UNC5A: variants seen among roughly 807,000 people sequenced by gnomAD.
UNC5A encodes the protein netrin receptor UNC5A.
A neutral mutation model predicts 87.4 loss-of-function variants in UNC5A; 20 were observed. The ratio of observed to expected loss-of-function variants is 0.23; its 90% CI spans 0.16 to 0.33. The LOEUF is 0.33. UNC5A is among the 10% of genes least tolerant of loss of function. UNC5A has a pLI of 1.00. For synonymous variants in UNC5A, 438 were observed against 482.3 expected (o/e 0.91, Z 1.20); for missense variants, 844 against 1,133.4 (o/e 0.74, Z 3.67).
intron 1 of UNC5A, among the ~76,000 whole-genome samples, chr5:176,814,642 T>A (rs1362464992): frequency 6.6e-6 from 1 of 152,188 alleles, no homozygotes; most frequent in East Asian, 1.9e-4. Flanking sequence ...AAAGAAAGAC[T>A]GAGGTATTGA....
intron 1 of UNC5A, among the ~76,000 whole-genome samples, chr5:176,839,609 G>A (rs1187347103): frequency 3.9e-5 from 6 of 152,200 alleles, no homozygotes; most frequent in Non-Finnish European, 2.9e-5. Flanking sequence ...CTGGTTTGTG[G>A]GTAAGATCCT....
chr5:176,818,294 T>C (rs1199314205), intron 1 of UNC5A, among the ~76,000 whole-genome samples: 2 of 152,250 alleles, frequency 1.3e-5, no homozygotes, highest in Middle Eastern at 3.4e-3. Flanking sequence ...CCATTCCCGT[T>C]TTACAGATGA....
intron 1 of UNC5A, among the ~76,000 whole-genome samples, chr5:176,843,097 G>T (rs973250212): frequency 4.0e-5 from 6 of 151,408 alleles, no homozygotes; most frequent in African/African-American, 1.5e-4. Context: ...GGAGGCAGTG[G>T]TTGCAGTGAG....
In UNC5A at chr5:176,877,211, C is replaced by T. The variant is rs373155488; in HGVS notation, c.1398C>T (p.Pro466=). The T allele has an allele frequency of 9.9e-6, 16 of 1,612,852 alleles. No homozygotes were observed. The highest frequency in any genetic ancestry group is 1.2e-5 in the Non-Finnish European group (14 of 1,179,658). Residue 466 remains proline, a synonymous_variant, in exon 9 of 15, where the codon CCC becomes CCT. Transcript: ENST00000329542. Reference sequence around the variant, plus strand: ...TTCCAGGAATCAGCCTCCTCATCCCCCCAGATGCCATACCCCGAGGGAAGA... The same window carrying T: ...TTCCAGGAATCAGCCTCCTCATCCCTCCAGATGCCATACCCCGAGGGAAGA... ...IPNTGISLLI[P]PDAIPRGKIY... is the part of the protein sequence containing the mutation.
rs73340048 is a variant in UNC5A at position 176,823,029 on chromosome 5, G to A, written c.70+12209G>A. ...AGCAGGGAGAGGCTGGAGGCAAGGAGACCAGCCGGGAGGCTGCCGTGGTCA... is the reference window on the plus strand; with the variant it reads ...AGCAGGGAGAGGCTGGAGGCAAGGAAACCAGCCGGGAGGCTGCCGTGGTCA... On this transcript the variant is annotated intron_variant, in intron 1 of 14. Transcript: ENST00000329542. Among the ~76,000 whole-genome samples, 1,297 of 152,204 alleles carry A rather than the reference G, an allele frequency of 8.5e-3. 20 individuals carry two copies. The highest frequency in any genetic ancestry group is 0.027 in the African/African-American group (1,105 of 41,492).
At position 176,831,883 on chromosome 5, in the gene UNC5A, C is replaced by CTT. The variant is rs1285414321; in HGVS notation, c.70+21064_70+21065insTT. 4.2e-4 allele frequency among the ~76,000 whole-genome samples: 49 copies of CTT among 115,302 alleles called. 1 individual carries two copies. The highest frequency in any genetic ancestry group is 1.8e-3 in the African/African-American group (48 of 27,280). 75.6% of individuals were successfully genotyped at this position (115,302 alleles called of 152,430 possible). On this transcript the variant is annotated intron_variant, in intron 1 of 14. Coordinates refer to ENST00000329542, the MANE Select transcript of UNC5A (RefSeq NM_133369.3). ...TTTCACTTTCACACACTTTCTCTCT[C>CTT]TCTTTTTTTTTTTTTTTTTTTTTTT...
At chr5:176,825,337 G>A (rs1756826582) in intron 1 of UNC5A, among the ~76,000 whole-genome samples, 2 of 152,152 alleles carry the variant, frequency 1.3e-5, no homozygotes, top group Admixed American at 6.5e-5. Flanking sequence ...TGTGTGTAAG[G>A]TTTTGAGCAG....
intron 1 of UNC5A, among the ~76,000 whole-genome samples, chr5:176,846,306 A>G (rs1757400802): frequency 6.6e-6 from 1 of 151,378 alleles, no homozygotes; most frequent in African/African-American, 2.4e-5. Flanking sequence ...GCAAATGGCT[A>G]GGCGGAGGTG....
chr5:176,860,149 G>C (rs1173974082), intron 1 of UNC5A, among the ~76,000 whole-genome samples: 1 of 152,220 alleles, frequency 6.6e-6, no homozygotes, highest in Non-Finnish European at 1.5e-5. Context: ...GCAGGCACAG[G>C]CCAGCGCATT....
intron 1 of UNC5A, among the ~76,000 whole-genome samples, chr5:176,812,893 C>T (rs1238971434): frequency 2.6e-5 from 4 of 152,200 alleles, no homozygotes; most frequent in African/African-American, 4.8e-5. Flanking sequence ...GGCAGGCTGG[C>T]CCTGCCGTGA....
rs536617968 is a variant in UNC5A, at chr5:176,820,088, T to C, written c.70+9268T>C. Among the ~76,000 whole-genome samples, 37 of 121,736 alleles carry C rather than the reference T, an allele frequency of 3.0e-4. No individual in the cohort carries two copies. The South Asian group carries it at 0.01, about 33-fold the overall frequency. 79.9% of individuals were successfully genotyped at this position (121,736 alleles called of 152,430 possible). A position where few individuals can be genotyped will look rare whatever the true frequency, so the allele number is the denominator to read the frequency against. On this transcript the variant is annotated intron_variant, in intron 1 of 14. Transcript: ENST00000329542. The stretch of plus-strand genomic sequence containing the variant: ...CCATCCTGGCTAACACGGTGAAACC[T>C]CGTCTCTACTAAAAATACAAAATGT...
intron 2 of UNC5A, among the ~76,000 whole-genome samples, chr5:176,863,333 G>C (rs1043091365): frequency 4.6e-5 from 7 of 152,230 alleles, no homozygotes; most frequent in Non-Finnish European, 8.8e-5. Context: ...CCGGCATGCC[G>C]GTGGTGGGGT....
chr5:176,832,453 G>A (rs375738396), intron 1 of UNC5A, among the ~76,000 whole-genome samples: 1 of 152,162 alleles, frequency 6.6e-6, no homozygotes, highest in Non-Finnish European at 1.5e-5. Flanking sequence ...TCACCCTGGA[G>A]CAAGTCACTT....
chr5:176,844,577 G>A lies in UNC5A; in HGVS notation c.71-18047G>A, dbSNP rs1290586042. Among the ~76,000 whole-genome samples, 3 of 152,232 alleles carry A rather than the reference G, an allele frequency of 2.0e-5. No homozygotes were observed. Among genetic ancestry groups the A allele is most frequent in the Admixed American group, 6.5e-5 (1 of 15,290 alleles). On this transcript the variant is annotated intron_variant, in intron 1 of 14. Coordinates refer to ENST00000329542, the MANE Select transcript of UNC5A (RefSeq NM_133369.3). The surrounding 1 kb of genome is among the most constrained non-coding windows in gnomAD (Gnocchi z 4.2). Reference sequence around the variant, plus strand: ...GCCACACCGAAATTCACAGCCCACCGTGGCTCGGAGGAGCATGGGCTGGTG... The same window carrying A: ...GCCACACCGAAATTCACAGCCCACCATGGCTCGGAGGAGCATGGGCTGGTG...
intron 1 of UNC5A, among the ~76,000 whole-genome samples, chr5:176,857,474 T>C (rs948492541): frequency 6.6e-6 from 1 of 151,960 alleles, no homozygotes; most frequent in Non-Finnish European, 1.5e-5. Flanking sequence ...GCCACCCCCG[T>C]TGGCCCCCAG....
chr5:176,820,441 TG>T (rs1756700786), intron 1 of UNC5A, among the ~76,000 whole-genome samples: 1 of 152,154 alleles, frequency 6.6e-6, no homozygotes, highest in African/African-American at 2.4e-5. Context: ...AAAACAAGGC[TG>T]GCCATTCAGC....
chr5:176,816,603 C>G (rs1305865079), intron 1 of UNC5A, among the ~76,000 whole-genome samples: 3 of 152,264 alleles, frequency 2.0e-5, no homozygotes, highest in Non-Finnish European at 4.4e-5. Flanking sequence ...GTAGGGCCAG[C>G]CCCCAAGAGT....
chr5:176,831,726 C>T (rs1487995171), intron 1 of UNC5A, among the ~76,000 whole-genome samples: 3 of 152,270 alleles, frequency 2.0e-5, no homozygotes, highest in Non-Finnish European at 2.9e-5. Context: ...GACCCCTGGC[C>T]GCTGCTTCCT....
intron 1 of UNC5A, among the ~76,000 whole-genome samples, chr5:176,817,063 A>G (rs56266142): frequency 0.017 from 2,518 of 152,290 alleles, 70 homozygotes; most frequent in African/African-American, 0.058. Flanking sequence ...GCCCCAGAGT[A>G]ACTGGGGAAG....
Sources: allele counts gnomAD v4.1 joint callset (sites outside exome capture counted in the v4.1 genomes callset), GRCh38; gene constraint gnomAD v4.1.1; non-coding constraint Gnocchi (gnomAD v3.1); transcripts MANE v1.5; gene names NCBI Gene and HGNC (gene_info 2026-07-23, HGNC 2026-07-21).